Variants in TBC1D22A observed in about 807,000 individuals in gnomAD.
TBC1D22A encodes TBC1 domain family member 22A.
In TBC1D22A, 38 loss-of-function variants were observed where a neutral mutation model predicts 60.2. The ratio of observed to expected loss-of-function variants is 0.63; its 90% CI spans 0.49 to 0.83. The LOEUF is 0.83. Among genes scored for constraint, TBC1D22A ranks in the 40% least tolerant of loss-of-function variants. TBC1D22A has a pLI of 0.00. For synonymous variants in TBC1D22A, 302 were observed against 281.7 expected, an observed-to-expected ratio of 1.07 and a Z score of -0.72; for missense variants, 628 against 701.0, an observed-to-expected ratio of 0.90 and a Z score of 1.18.
intron 10 of TBC1D22A, among the ~76,000 whole-genome samples, chr22:47,033,538 C>G (rs1375608098): frequency 6.6e-6 from 1 of 152,100 alleles, no homozygotes; most frequent in African/African-American, 2.4e-5. Context: ...GACCTGGACC[C>G]ACACCTGACC....
intron 11 of TBC1D22A, among the ~76,000 whole-genome samples, chr22:47,093,379 GT>G (rs781288243): frequency 6.6e-6 from 1 of 152,090 alleles, no homozygotes; most frequent in Non-Finnish European, 1.5e-5. Flanking sequence ...TTCTTAGCTA[GT>G]TTTTGCTGGT....
chr22:47,025,110 C>T (rs2062212579), intron 10 of TBC1D22A, among the ~76,000 whole-genome samples: 1 of 152,100 alleles, frequency 6.6e-6, no homozygotes, highest in Non-Finnish European at 1.5e-5. Context: ...TATCAAAATA[C>T]ACAGCAAAAT....
chr22:47,067,417 G>A (rs1055231818), intron 11 of TBC1D22A, among the ~76,000 whole-genome samples: 1 of 152,194 alleles, frequency 6.6e-6, no homozygotes, highest in South Asian at 2.1e-4. Flanking sequence ...ATGAAGGGGC[G>A]ACTGCTCAGG....
intron 10 of TBC1D22A, among the ~76,000 whole-genome samples, chr22:47,022,562 A>C (rs1046578301): frequency 1.8e-4 from 27 of 151,186 alleles, no homozygotes; most frequent in Non-Finnish European, 3.1e-4. Context: ...AAAAAAAAAA[A>C]CACCAAAACA....
chr22:47,045,892 G>A (rs1039099724), intron 11 of TBC1D22A, among the ~76,000 whole-genome samples: 6 of 152,072 alleles, frequency 3.9e-5, no homozygotes, highest in Non-Finnish European at 8.8e-5. Flanking sequence ...TTGTCTCCAC[G>A]TCCTCCCCAC....
chr22:46,890,058 A>G (rs979977815), intron 5 of TBC1D22A, among the ~76,000 whole-genome samples: 1 of 152,158 alleles, frequency 6.6e-6, no homozygotes. Context: ...AATATTTGGG[A>G]AAAAAAGGCC....
rs564560486 is a variant in TBC1D22A, at chr22:46,916,759, C to T, written c.1015+4571C>T. ...GCGTGACCTCAGAGGCAGGGGCAGCCGTGTGCAAAGCATGTGAAGACAGTG... is the reference window on the plus strand; with the variant it reads ...GCGTGACCTCAGAGGCAGGGGCAGCTGTGTGCAAAGCATGTGAAGACAGTG... On this transcript the variant is annotated intron_variant, in intron 8 of 12. Transcript: ENST00000337137. 1.1e-3 allele frequency among the ~76,000 whole-genome samples: 174 copies of T among 152,282 alleles called. 1 individual carries two copies. Among genetic ancestry groups the T allele is most frequent in the South Asian group, 8.9e-3 (43 of 4,828 alleles).
chr22:47,008,686 G>T (rs543247090), intron 10 of TBC1D22A, among the ~76,000 whole-genome samples: 4 of 152,202 alleles, frequency 2.6e-5, no homozygotes, highest in Non-Finnish European at 5.9e-5. Context: ...CCCTGCCCAG[G>T]GTGCTTCCTG....
At chr22:47,077,862 G>A (rs150406437) in intron 11 of TBC1D22A, among the ~76,000 whole-genome samples, 34 of 152,300 alleles carry the variant, frequency 2.2e-4, no homozygotes, top group African/African-American at 7.2e-4. Flanking sequence ...ATGCCTGTGC[G>A]CCATGATTTG....
At chr22:46,941,208 T>TGCACACACAC (rs2072020437) in intron 8 of TBC1D22A, among the ~76,000 whole-genome samples, 2 of 84,848 alleles carry the variant, frequency 2.4e-5, no homozygotes, top group African/African-American at 9.8e-5. Flanking sequence ...TATATATGTA[T>TGCACACACAC]ACACACACAC....
intron 11 of TBC1D22A, among the ~76,000 whole-genome samples, chr22:47,074,222 G>A (rs923341283): frequency 2.6e-5 from 4 of 152,208 alleles, no homozygotes; most frequent in Non-Finnish European, 5.9e-5. Context: ...AATCCGGAGC[G>A]CCTCCCAGGC....
At chr22:47,071,146 C>T (rs1430084702) in intron 11 of TBC1D22A, among the ~76,000 whole-genome samples, 1 of 152,172 alleles carries the variant, frequency 6.6e-6, no homozygotes, top group Admixed American at 6.5e-5. Flanking sequence ...TTTTAGTAAC[C>T]AACCTCCCAT....
At chr22:46,876,603 G>C (rs968212385) in intron 4 of TBC1D22A, among the ~76,000 whole-genome samples, 1 of 152,218 alleles carries the variant, frequency 6.6e-6, no homozygotes, top group Non-Finnish European at 1.5e-5. Flanking sequence ...AGCTTTCAGG[G>C]GAAGAGGAGT....
chr22:47,105,112 T>C (rs996614462), intron 11 of TBC1D22A, among the ~76,000 whole-genome samples: 6 of 152,070 alleles, frequency 3.9e-5, no homozygotes, highest in East Asian at 1.9e-4. Context: ...AATAAATCTC[T>C]TTAAATATTT....
At chr22:46,988,427 A>G (rs919923185) in intron 9 of TBC1D22A, among the ~76,000 whole-genome samples, 2 of 152,230 alleles carry the variant, frequency 1.3e-5, no homozygotes, top group African/African-American at 2.4e-5. Context: ...TATGGCAGCT[A>G]TAGCCTTATC....
chr22:46,765,342 G>A (rs115272460), intron 1 of TBC1D22A, among the ~76,000 whole-genome samples: 3 of 152,218 alleles, frequency 2.0e-5, no homozygotes, highest in Admixed American at 6.5e-5. Context: ...CACTAGCTGC[G>A]TATTTATTTA....
At chr22:46,794,770 G>A (rs778301025) in intron 3 of TBC1D22A, among the ~76,000 whole-genome samples, 1 of 151,914 alleles carries the variant, frequency 6.6e-6, no homozygotes, top group South Asian at 2.1e-4. Context: ...CATCTGAAAC[G>A]GGGAGGTCAG....
chr22:47,055,078 G>A (rs559978504), intron 11 of TBC1D22A, among the ~76,000 whole-genome samples: 4 of 152,322 alleles, frequency 2.6e-5, no homozygotes, highest in Admixed American at 2.0e-4. Context: ...GGGTCTCGAG[G>A]GCACTGGCAG....
At chr22:46,907,447 G>A (rs1488803451) in intron 7 of TBC1D22A, among the ~76,000 whole-genome samples, 1 of 152,174 alleles carries the variant, frequency 6.6e-6, no homozygotes, top group Non-Finnish European at 1.5e-5. Context: ...ACAAACCCAG[G>A]CAGGCACCCA....
Sources: allele counts gnomAD v4.1 joint callset (sites outside exome capture counted in the v4.1 genomes callset), GRCh38; gene constraint gnomAD v4.1.1; transcripts MANE v1.5; gene names NCBI Gene and HGNC (gene_info 2026-07-23, HGNC 2026-07-21).